The following FHIT variants were observed in gnomAD, a reference collection of about 807,000 sequenced individuals.
FHIT encodes bis(5'-adenosyl)-triphosphatase.
A neutral mutation model predicts 17.9 loss-of-function variants in FHIT; 19 were observed. The ratio of observed to expected loss-of-function variants is 1.06; its 90% confidence interval spans 0.74 to 1.56. The LOEUF is 1.56. Among genes scored for constraint, FHIT ranks in the 40% most tolerant of loss-of-function variants. The pLI is 0.00. For missense variants in FHIT, 248 were observed against 189.2 expected (o/e 1.31, Z -1.82); for synonymous variants, 81 against 69.7 (o/e 1.16, Z -0.81).
chr3:59,827,478 G>A (rs1453304444), intron 8 of FHIT, among the ~76,000 whole-genome samples: 1 of 152,202 alleles, frequency 6.6e-6, no homozygotes, highest in African/African-American at 2.4e-5. Flanking sequence ...ATTCTGCTGG[G>A]TGACAATGAA....
chr3:60,920,021 G>T (rs573173319), intron 3 of FHIT, among the ~76,000 whole-genome samples: 3 of 150,370 alleles, frequency 2.0e-5, no homozygotes, highest in African/African-American at 2.4e-5. Flanking sequence ...GCGACAGAGC[G>T]AGACTCCGTC....
At chr3:60,009,224 TGTGTGTA>T (rs1700047513) in intron 7 of FHIT, among the ~76,000 whole-genome samples, 1 of 139,286 alleles carries the variant, frequency 7.2e-6, no homozygotes, top group African/African-American at 2.9e-5. Flanking sequence ...TGTGTGTGTG[TGTGTGTA>T]TGGTGGTTTT....
intron 2 of FHIT, among the ~76,000 whole-genome samples, chr3:61,056,382 T>A (rs1482702414): frequency 2.0e-5 from 3 of 152,244 alleles, no homozygotes; most frequent in African/African-American, 7.2e-5. Flanking sequence ...TGTCACCTAC[T>A]GTGTGAGGCA....
At chr3:60,819,406 C>T (rs1701851611) in intron 4 of FHIT, among the ~76,000 whole-genome samples, 1 of 152,170 alleles carries the variant, frequency 6.6e-6, no homozygotes, top group African/African-American at 2.4e-5. Context: ...AGCAATGAGG[C>T]TTATACAGAA....
chr3:60,931,660 C>G (rs1707963439), intron 3 of FHIT, among the ~76,000 whole-genome samples: 1 of 152,152 alleles, frequency 6.6e-6, no homozygotes, highest in Admixed American at 6.5e-5. Flanking sequence ...GTAAAAGTCC[C>G]TGATTTACAG....
At chr3:60,129,953 T>C (rs1699465389) in intron 5 of FHIT, among the ~76,000 whole-genome samples, 1 of 152,154 alleles carries the variant, frequency 6.6e-6, no homozygotes, top group South Asian at 2.1e-4. Context: ...TTTCTAGAGT[T>C]TTACATTTCT....
chr3:60,188,901 A>G (rs1559711957), intron 5 of FHIT, among the ~76,000 whole-genome samples: 1 of 152,168 alleles, frequency 6.6e-6, no homozygotes, highest in Non-Finnish European at 1.5e-5. Flanking sequence ...GCACCCCAGT[A>G]GAAGTTAAAA....
chr3:60,309,181 C>T (rs1415356998), intron 5 of FHIT, among the ~76,000 whole-genome samples: 1 of 152,060 alleles, frequency 6.6e-6, no homozygotes, highest in African/African-American at 2.4e-5. Flanking sequence ...GCTCTGCTTG[C>T]AGCGGAAGGT....
intron 5 of FHIT, among the ~76,000 whole-genome samples, chr3:60,047,612 T>C (rs554108357): frequency 6.6e-6 from 1 of 152,356 alleles, no homozygotes; most frequent in South Asian, 2.1e-4. Flanking sequence ...ATTAGGCATA[T>C]GTGAGCAGTG....
intron 5 of FHIT, among the ~76,000 whole-genome samples, chr3:60,525,729 T>C (rs2035548269): frequency 6.6e-6 from 1 of 152,182 alleles, no homozygotes; most frequent in Non-Finnish European, 1.5e-5. Flanking sequence ...TACTTAGAGC[T>C]CTCTACAAGT....
intron 2 of FHIT, among the ~76,000 whole-genome samples, chr3:61,094,045 C>T (rs2035564277): frequency 6.6e-6 from 1 of 152,080 alleles, no homozygotes; most frequent in African/African-American, 2.4e-5. Context: ...GTGTCCTCAA[C>T]TTGGGATCCT....
intron 3 of FHIT, among the ~76,000 whole-genome samples, chr3:60,842,639 ATATATATTT>A (rs1702771807): frequency 4.6e-4 from 20 of 43,406 alleles, no homozygotes; most frequent in African/African-American, 1.0e-3. Context: ...GTATATATAT[ATATATATTT>A]TTTTTTTTTT....
chr3:60,336,132 A>C (rs190358437), intron 5 of FHIT, among the ~76,000 whole-genome samples: 15 of 152,208 alleles, frequency 9.9e-5, no homozygotes, highest in African/African-American at 3.6e-4. Flanking sequence ...CTCTCTCCAC[A>C]TGCTTTACAT....
At chr3:60,146,219 G>A (rs1700231823) in intron 5 of FHIT, among the ~76,000 whole-genome samples, 1 of 148,182 alleles carries the variant, frequency 6.7e-6, no homozygotes, top group Admixed American at 6.9e-5. Flanking sequence ...TAGGCAGTGA[G>A]GCTGGTAAAC....
chr3:61,085,822 T>C (rs1453511507), intron 2 of FHIT, among the ~76,000 whole-genome samples: 2 of 152,176 alleles, frequency 1.3e-5, no homozygotes, highest in Admixed American at 6.5e-5. Flanking sequence ...AATTTTTGGA[T>C]AAAGACATGC....
intron 8 of FHIT, among the ~76,000 whole-genome samples, chr3:59,809,473 C>T (rs1345381677): frequency 6.6e-6 from 1 of 152,136 alleles, no homozygotes; most frequent in Non-Finnish European, 1.5e-5. Flanking sequence ...TGTTTTATGC[C>T]ACTCATGTTG....
chr3:60,832,371 C>T (rs1702362979), intron 3 of FHIT, among the ~76,000 whole-genome samples: 1 of 152,132 alleles, frequency 6.6e-6, no homozygotes. Flanking sequence ...GAATGACTCA[C>T]TGGACAACCC....
chr3:60,921,250 C>T (rs1394162221), intron 3 of FHIT, among the ~76,000 whole-genome samples: 1 of 152,174 alleles, frequency 6.6e-6, no homozygotes, highest in African/African-American at 2.4e-5. Context: ...TTGAACCACT[C>T]CTTTCACAAG....
At chr3:60,613,399 T>C (rs1233993202) in intron 4 of FHIT, among the ~76,000 whole-genome samples, 3 of 151,532 alleles carry the variant, frequency 2.0e-5, no homozygotes, top group African/African-American at 7.3e-5. Flanking sequence ...GGCTGGGGAG[T>C]AAGGTAGACA....
Sources: allele counts gnomAD v4.1 joint callset (sites outside exome capture counted in the v4.1 genomes callset), GRCh38; gene constraint gnomAD v4.1.1; transcripts MANE v1.5; gene names NCBI Gene and HGNC (gene_info 2026-07-23, HGNC 2026-07-21).